DAB1: variants seen among roughly 807,000 people sequenced by gnomAD.
DAB1 encodes DAB adaptor protein 1.
Under a neutral mutation model 64.6 loss-of-function variants are expected in DAB1, and 15 were observed. The observed-to-expected ratio is 0.23, with a 90% confidence interval of 0.16 to 0.36. DAB1 has a LOEUF of 0.36. Among genes scored for constraint, DAB1 ranks in the 10% least tolerant of loss-of-function variants. DAB1 has a pLI of 1.00. For synonymous variants in DAB1, 235 were observed against 251.9 expected (o/e 0.93, Z 0.64); for missense variants, 596 against 706.7 (o/e 0.84, Z 1.78).
chr1:58,307,984 G>A (rs564810162), intron 4 of DAB1, among the ~76,000 whole-genome samples: 2 of 152,200 alleles, frequency 1.3e-5, no homozygotes, highest in East Asian at 1.9e-4. Context: ...GCACTGGAGC[G>A]AGAGACCTTG....
intron 4 of DAB1, among the ~76,000 whole-genome samples, chr1:58,186,095 T>C (rs2100214219): frequency 6.6e-6 from 1 of 152,314 alleles, no homozygotes; most frequent in East Asian, 1.9e-4. Flanking sequence ...ACAGAAACTA[T>C]CATGAGGCAG....
intron 6 of DAB1, among the ~76,000 whole-genome samples, chr1:57,819,741 T>A (rs852764): frequency 6.6e-6 from 1 of 151,956 alleles, no homozygotes; most frequent in African/African-American, 2.4e-5. Flanking sequence ...CTGGGAACTG[T>A]CATGCTGCTT....
chr1:58,150,938 C>A (rs1034027427), intron 4 of DAB1, among the ~76,000 whole-genome samples: 1 of 151,882 alleles, frequency 6.6e-6, no homozygotes, highest in Non-Finnish European at 1.5e-5. Flanking sequence ...TGAGAACATG[C>A]GGTATTTGGT....
chr1:58,393,977 C>T (rs1164998405), intron 3 of DAB1, among the ~76,000 whole-genome samples: 1 of 151,544 alleles, frequency 6.6e-6, no homozygotes, highest in African/African-American at 2.4e-5. Context: ...ATGTCATGCC[C>T]CATAAATATA....
chr1:57,258,771 G>A (rs538706671), intron 2 of DAB1, among the ~76,000 whole-genome samples: 8 of 152,136 alleles, frequency 5.3e-5, no homozygotes, highest in South Asian at 2.1e-4. Context: ...GTGACACATC[G>A]AGTCTTAAAT....
intron 5 of DAB1, among the ~76,000 whole-genome samples, chr1:58,000,924 ATC>A (rs911434517): frequency 1.3e-5 from 2 of 149,608 alleles, no homozygotes; most frequent in African/African-American, 4.9e-5. Context: ...TCTCCTGTCA[ATC>A]TCTTTCTCTT....
chr1:58,263,429 C>T (rs1661093575), intron 4 of DAB1, among the ~76,000 whole-genome samples: 1 of 151,866 alleles, frequency 6.6e-6, no homozygotes. Flanking sequence ...ATGTCCTGTT[C>T]ATCTCAGGGC....
At chr1:57,225,261 C>T (rs975392772) in intron 2 of DAB1, among the ~76,000 whole-genome samples, 2 of 152,164 alleles carry the variant, frequency 1.3e-5, no homozygotes, top group Admixed American at 6.5e-5. Context: ...TTTTGTGATA[C>T]ACAAGACTTG....
chr1:57,263,266 C>T (rs1418117439), intron 2 of DAB1, among the ~76,000 whole-genome samples: 2 of 152,080 alleles, frequency 1.3e-5, no homozygotes, highest in Non-Finnish European at 1.5e-5. Context: ...CAGGTGCCTG[C>T]CACCGTGCCA....
chr1:57,164,088 A>G (rs1235772129), intron 2 of DAB1, among the ~76,000 whole-genome samples: 2 of 152,130 alleles, frequency 1.3e-5, no homozygotes, highest in African/African-American at 4.8e-5. Flanking sequence ...GGAAGAGACA[A>G]TATGAGGTTT....
At chr1:57,209,118 TGAACA>T (rs1158113656) in intron 2 of DAB1, among the ~76,000 whole-genome samples, 1 of 152,182 alleles carries the variant, frequency 6.6e-6, no homozygotes, top group Non-Finnish European at 1.5e-5. Flanking sequence ...GGAGGCTTAC[TGAACA>T]GAACAAGCAA....
chr1:57,684,179 C>G (rs12120263), intron 6 of DAB1, among the ~76,000 whole-genome samples: 23,722 of 152,024 alleles, frequency 0.16, 2,188 homozygotes, highest in Admixed American at 0.25. Context: ...AGAAAGTAAG[C>G]AACTTGGAAA....
chr1:57,700,965 A>T (rs1326933664), intron 6 of DAB1, among the ~76,000 whole-genome samples: 1 of 152,130 alleles, frequency 6.6e-6, no homozygotes, highest in Non-Finnish European at 1.5e-5. Context: ...GCTCACCATC[A>T]CTGGCCATCA....
intron 4 of DAB1, among the ~76,000 whole-genome samples, chr1:58,237,653 C>T (rs1056006597): frequency 6.6e-6 from 1 of 152,130 alleles, no homozygotes; most frequent in Non-Finnish European, 1.5e-5. Flanking sequence ...GAGGCATTCT[C>T]TCACACTGTC....
chr1:57,635,753 C>CA (rs1646044836), intron 7 of DAB1, among the ~76,000 whole-genome samples: 1 of 152,302 alleles, frequency 6.6e-6, no homozygotes, highest in South Asian at 2.1e-4. Flanking sequence ...TCCACAAAAC[C>CA]AGTCCCTGGT....
At chr1:57,542,467 T>C (rs540036359) in intron 7 of DAB1, among the ~76,000 whole-genome samples, 3 of 149,336 alleles carry the variant, frequency 2.0e-5, no homozygotes, top group East Asian at 2.0e-4. Context: ...ATAAGGTCTA[T>C]ACTAGATGGA....
chr1:58,082,199 T>C (rs1370219348), intron 5 of DAB1, among the ~76,000 whole-genome samples: 2 of 152,202 alleles, frequency 1.3e-5, no homozygotes, highest in Non-Finnish European at 2.9e-5. Context: ...TGCATTCTGA[T>C]GTGGAACATT....
At chr1:57,191,164 G>A (rs977764951) in intron 2 of DAB1, among the ~76,000 whole-genome samples, 1 of 152,082 alleles carries the variant, frequency 6.6e-6, no homozygotes, top group Non-Finnish European at 1.5e-5. Flanking sequence ...AATGAGAGAG[G>A]AACTTGCAAA....
At chr1:57,894,710 T>G (rs1040670543) in intron 5 of DAB1, among the ~76,000 whole-genome samples, 10 of 152,144 alleles carry the variant, frequency 6.6e-5, no homozygotes, top group Non-Finnish European at 1.3e-4. Context: ...AAGATCACCC[T>G]GGCTGCCCTG....
Sources: allele counts gnomAD v4.1 joint callset (sites outside exome capture counted in the v4.1 genomes callset), GRCh38; gene constraint gnomAD v4.1.1; transcripts MANE v1.5; gene names NCBI Gene and HGNC (gene_info 2026-07-23, HGNC 2026-07-21).